The following GALNT13 variants were observed in gnomAD, a reference collection of about 807,000 sequenced individuals.
GALNT13 encodes the protein UDP-GalNAc:polypeptide N-acetylgalactosaminyltransferase 13.
In GALNT13, 28 loss-of-function variants were observed where a neutral mutation model predicts 64.2. The ratio of observed to expected loss-of-function variants is 0.44; its 90% CI spans 0.32 to 0.60. The LOEUF (loss-of-function observed/expected upper bound fraction) is 0.60. GALNT13 is among the 20% of genes least tolerant of loss of function. The probability of loss-of-function intolerance (pLI) is 0.05; values close to 1 mark genes in which losing one functional copy is unlikely to be tolerated. For missense variants in GALNT13, 577 were observed against 669.8 expected (o/e 0.86, Z 1.53); for synonymous variants, 214 against 224.6 (o/e 0.95, Z 0.42).
chr2:153,666,688 C>G, the GALNT13 span, among the ~76,000 whole-genome samples: 2 of 152,150 alleles, frequency 1.3e-5, no homozygotes, highest in African/African-American at 4.8e-5. Flanking sequence ...AATGTCAAAC[C>G]TTAAAGGAAC....
chr2:154,053,634 G>A (rs1054343440), intron 3 of GALNT13, among the ~76,000 whole-genome samples: 3 of 152,050 alleles, frequency 2.0e-5, no homozygotes, highest in African/African-American at 7.2e-5. Flanking sequence ...GAAATATATA[G>A]AGTATTTTTA....
At chr2:154,253,073 G>A (rs1482025783) in intron 7 of GALNT13, among the ~76,000 whole-genome samples, 2 of 152,048 alleles carry the variant, frequency 1.3e-5, no homozygotes, top group Non-Finnish European at 2.9e-5. Context: ...TATACTATAA[G>A]CTTTGTGCTG....
chr2:153,697,758 C>A, the GALNT13 span, among the ~76,000 whole-genome samples: 1 of 152,190 alleles, frequency 6.6e-6, no homozygotes, highest in African/African-American at 2.4e-5. Context: ...GGCTTTCAAT[C>A]TGAATGACAT....
At chr2:153,526,130 T>C in the GALNT13 span, among the ~76,000 whole-genome samples, 1 of 152,374 alleles carries the variant, frequency 6.6e-6, no homozygotes, top group South Asian at 2.1e-4. Context: ...GGGGAGCTCA[T>C]CACCCTGAAG....
chr2:154,243,977 G>A (rs901505802), intron 6 of GALNT13, among the ~76,000 whole-genome samples: 1 of 152,156 alleles, frequency 6.6e-6, no homozygotes, highest in Non-Finnish European at 1.5e-5. Flanking sequence ...TCCATAGAGT[G>A]TTGTACATGG....
At chr2:153,084,426 A>T in the GALNT13 span, among the ~76,000 whole-genome samples, 1 of 152,092 alleles carries the variant, frequency 6.6e-6, no homozygotes, top group Non-Finnish European at 1.5e-5. Context: ...GCAGTGTTTT[A>T]TAGTTTTCCT....
the GALNT13 span, among the ~76,000 whole-genome samples, chr2:153,698,191 A>G: frequency 6.6e-6 from 1 of 152,190 alleles, no homozygotes; most frequent in Non-Finnish European, 1.5e-5. Flanking sequence ...ATCAACTAGT[A>G]TGCAAAACAA....
At chr2:153,420,501 C>T in the GALNT13 span, among the ~76,000 whole-genome samples, 1 of 152,124 alleles carries the variant, frequency 6.6e-6, no homozygotes, top group Non-Finnish European at 1.5e-5. Context: ...TTATTTACTT[C>T]AAGCCTTTAA....
At chr2:154,129,479 A>G (rs749324837) in intron 3 of GALNT13, among the ~76,000 whole-genome samples, 2 of 152,198 alleles carry the variant, frequency 1.3e-5, no homozygotes, top group African/African-American at 2.4e-5. Context: ...AATGCAATGT[A>G]ACAGCGAAAT....
chr2:154,089,852 TG>T, intron 3 of GALNT13, among the ~76,000 whole-genome samples: 1 of 151,946 alleles, frequency 6.6e-6, no homozygotes, highest in African/African-American at 2.4e-5. Context: ...CACTTATGGT[TG>T]TTTTGCTGTG....
chr2:153,246,332 C>A, the GALNT13 span, among the ~76,000 whole-genome samples: 1 of 152,026 alleles, frequency 6.6e-6, no homozygotes, highest in African/African-American at 2.4e-5. Flanking sequence ...AGATCAAGCC[C>A]AAGACACATA....
the GALNT13 span, among the ~76,000 whole-genome samples, chr2:153,844,351 T>C: frequency 6.6e-6 from 1 of 151,264 alleles, no homozygotes; most frequent in South Asian, 2.1e-4. Flanking sequence ...AAGTGGCAGT[T>C]CGAGCTGTAC....
the GALNT13 span, among the ~76,000 whole-genome samples, chr2:153,410,821 C>T: frequency 6.6e-6 from 1 of 150,894 alleles, no homozygotes; most frequent in Admixed American, 6.6e-5. Context: ...AGTCTGAATT[C>T]TAGAGTTTGA....
intron 3 of GALNT13, among the ~76,000 whole-genome samples, chr2:153,985,853 A>C (rs1225968897): frequency 6.6e-6 from 1 of 152,024 alleles, no homozygotes; most frequent in African/African-American, 2.4e-5. Flanking sequence ...GCTGAATTTG[A>C]TGATAGTTTG....
At chr2:153,541,841 C>T in the GALNT13 span, among the ~76,000 whole-genome samples, 4 of 152,122 alleles carry the variant, frequency 2.6e-5, no homozygotes, top group East Asian at 1.9e-4. Flanking sequence ...GGACAATTTC[C>T]CCTGTATCTT....
chr2:154,199,774 C>A (rs1161297642), intron 4 of GALNT13, among the ~76,000 whole-genome samples: 3 of 151,966 alleles, frequency 2.0e-5, no homozygotes, highest in Non-Finnish European at 4.4e-5. Context: ...TTCTAAAAAT[C>A]TAATTTTGGA....
the GALNT13 span, among the ~76,000 whole-genome samples, chr2:153,096,484 T>C: frequency 3.9e-5 from 6 of 152,214 alleles, no homozygotes; most frequent in African/African-American, 1.4e-4. Context: ...CCAGGTATTA[T>C]CGAATTGGAG....
At chr2:154,450,128 T>C (rs1486563241) in intron 12 of GALNT13, among the ~76,000 whole-genome samples, 2 of 152,070 alleles carry the variant, frequency 1.3e-5, no homozygotes, top group Non-Finnish European at 2.9e-5. Flanking sequence ...ACAAATGGGC[T>C]TTTTGCAAAG....
At chr2:153,841,119 A>G in the GALNT13 span, among the ~76,000 whole-genome samples, 481 of 152,282 alleles carry the variant, frequency 3.2e-3, 2 homozygotes, top group African/African-American at 0.011. Flanking sequence ...GTGTCATAAC[A>G]ATTTAAATAT....
Sources: allele counts gnomAD v4.1 joint callset (sites outside exome capture counted in the v4.1 genomes callset), GRCh38; gene constraint gnomAD v4.1.1; transcripts MANE v1.5; gene names NCBI Gene and HGNC (gene_info 2026-07-23, HGNC 2026-07-21).